Variants in TTLL5 observed in about 807,000 individuals in gnomAD.
TTLL5 encodes the protein tubulin polyglutamylase TTLL5.
TTLL5 carries 132 observed loss-of-function variants against 168.4 expected under a neutral mutation model. The observed-to-expected ratio is 0.78, with a 90% CI of 0.68 to 0.91. The LOEUF is 0.91. Among genes scored for constraint, TTLL5 ranks in the 40% least tolerant of loss-of-function variants. TTLL5 has a pLI of 0.00. For synonymous variants in TTLL5, 546 were observed against 558.6 expected, an observed-to-expected ratio of 0.98 and a Z score of 0.32; for missense variants, 1,545 against 1,581.5, an observed-to-expected ratio of 0.98 and a Z score of 0.39.
In TTLL5 at chr14:75,826,296, T is replaced by TATAC. The variant is rs548406512; in HGVS notation, c.3326+6136_3326+6137insTACA. On this transcript the variant is annotated intron_variant, in intron 28 of 31. Coordinates refer to ENST00000298832, the MANE Select transcript of TTLL5 (RefSeq NM_015072.5). ...ACCTTCTATTTCCTTAGGATACGCG[T>TATAC]ACACACACACACACACACACACACA... Among the ~76,000 whole-genome samples the TATAC allele has an allele frequency of 2.2e-5, 3 of 139,446 alleles. No individual in the cohort carries two copies. The East Asian group carries it at 6.4e-4, about 30-fold the overall frequency. 91.5% of individuals were successfully genotyped at this position (139,446 alleles called of 152,430 possible).
intron 31 of TTLL5, among the ~76,000 whole-genome samples, chr14:75,920,601 G>C (rs1479769817): frequency 1.3e-5 from 2 of 152,196 alleles, no homozygotes; most frequent in Non-Finnish European, 2.9e-5. Flanking sequence ...TGGCTGCATA[G>C]TATTCCACGG....
chr14:75,880,942 C>T (rs907141329), intron 29 of TTLL5, among the ~76,000 whole-genome samples: 6 of 152,140 alleles, frequency 3.9e-5, no homozygotes, highest in Non-Finnish European at 5.9e-5. Flanking sequence ...GAGACAGGGT[C>T]TAGCTCTGTC....
At chr14:75,764,863 A>T in intron 19 of TTLL5, 91 bp downstream of exon 19, 1 of 1,442,062 alleles carries the variant, frequency 6.9e-7, no homozygotes, top group Non-Finnish European at 9.5e-7. Flanking sequence ...CATGAGTCAG[A>T]ATCTTCCTGA....
At chr14:75,852,652 C>G (rs1896922818) in intron 28 of TTLL5, among the ~76,000 whole-genome samples, 1 of 152,194 alleles carries the variant, frequency 6.6e-6, no homozygotes, top group East Asian at 1.9e-4. Flanking sequence ...AAGGTGTAAA[C>G]TCAAAGGTTA....
At position 75,914,680 on chromosome 14, in the gene TTLL5, A is replaced by G. The variant is rs530996211; in HGVS notation, c.3823+12456A>G. ...GCTCTGTCGCCCAGGCTGGAATGCAATGGCCCAATCTCGGCTCACTGCAAG... is the reference window on the plus strand; with the variant it reads ...GCTCTGTCGCCCAGGCTGGAATGCAGTGGCCCAATCTCGGCTCACTGCAAG... On this transcript the variant is annotated intron_variant, in intron 31 of 31. Coordinates refer to ENST00000298832, the MANE Select transcript of TTLL5 (RefSeq NM_015072.5). Among the ~76,000 whole-genome samples, 22 of 143,602 alleles carry G rather than the reference A, an allele frequency of 1.5e-4. 1 individual carries two copies. In the South Asian group the frequency reaches 3.1e-3, roughly 20 times the overall value. The allele number at this position is 143,602 out of a possible 152,430, so 94.2% of individuals were successfully genotyped here.
chr14:75,668,105 C>T (rs1883431681), intron 2 of TTLL5, among the ~76,000 whole-genome samples: 1 of 151,888 alleles, frequency 6.6e-6, no homozygotes, highest in Non-Finnish European at 1.5e-5. Flanking sequence ...CTGACTTGGC[C>T]CTGAGATTTG....
chr14:75,737,689 T>C (rs1372620345), intron 15 of TTLL5: 1 of 1,402,510 alleles, frequency 7.1e-7, no homozygotes, highest in Admixed American at 2.3e-5. Flanking sequence ...TAGTTTTTCA[T>C]GGTACATATT....
intron 31 of TTLL5, chr14:75,904,078 C>G: frequency 8.2e-7 from 1 of 1,223,416 alleles, no homozygotes; most frequent in Non-Finnish European, 1.0e-6. Context: ...CCTGCTCATG[C>G]CCCAGTTCCC....
chr14:75,827,163 T>G (rs1895214414), intron 28 of TTLL5, among the ~76,000 whole-genome samples: 1 of 152,232 alleles, frequency 6.6e-6, no homozygotes, highest in Non-Finnish European at 1.5e-5. Context: ...TCTTAGTAGC[T>G]AAGTCTTAGT....
intron 29 of TTLL5, among the ~76,000 whole-genome samples, chr14:75,873,568 C>T (rs534160883): frequency 6.6e-6 from 1 of 152,290 alleles, no homozygotes; most frequent in Non-Finnish European, 1.5e-5. Context: ...CACGTTGTAG[C>T]GTATGACAGG....
At position 75,896,798 on chromosome 14, in the gene TTLL5, C is replaced by T. The variant is rs540491566; in HGVS notation, c.3741-5344C>T. ...CCACAAATAAAGAAATGAAGATCCA[C>T]GAAAAACATGTCAGAAACCTTACCA... On this transcript the variant is annotated intron_variant, in intron 30 of 31. Coordinates refer to ENST00000298832, the MANE Select transcript of TTLL5 (RefSeq NM_015072.5). 2.2e-3 allele frequency among the ~76,000 whole-genome samples: 331 copies of T among 152,184 alleles called. 1 individual carries two copies. Among genetic ancestry groups the T allele is most frequent in the African/African-American group, 7.7e-3 (320 of 41,526 alleles).
At chr14:75,700,359 C>T (rs150501928) in intron 7 of TTLL5, among the ~76,000 whole-genome samples, 1,779 of 152,222 alleles carry the variant, frequency 0.012, 18 homozygotes, top group Middle Eastern at 0.02. Flanking sequence ...AGGAGTTGGG[C>T]GAGTAGGCTC....
chr14:75,815,645 C>G (rs1340648149), intron 27 of TTLL5, among the ~76,000 whole-genome samples: 2 of 152,174 alleles, frequency 1.3e-5, no homozygotes, highest in Non-Finnish European at 2.9e-5. Context: ...ATAGTTTTGT[C>G]AATCTCTGTA....
chr14:75,861,377 A>AC (rs1169808319), intron 28 of TTLL5, among the ~76,000 whole-genome samples: 1 of 152,206 alleles, frequency 6.6e-6, no homozygotes, highest in Non-Finnish European at 1.5e-5. Context: ...GGCACAGGCA[A>AC]CAGAGGAGCA....
At chr14:75,749,809 T>C (rs1292345650) in intron 17 of TTLL5, among the ~76,000 whole-genome samples, 1 of 152,246 alleles carries the variant, frequency 6.6e-6, no homozygotes, top group East Asian at 1.9e-4. Context: ...TACACATATA[T>C]TATCAACAAA....
intron 30 of TTLL5, among the ~76,000 whole-genome samples, chr14:75,898,423 T>C (rs1018553253): frequency 1.3e-5 from 2 of 152,090 alleles, no homozygotes; most frequent in Non-Finnish European, 2.9e-5. Flanking sequence ...AGGCAGACCG[T>C]GTGAACCCAG....
At chr14:75,837,855 A>T (rs1409839373) in intron 28 of TTLL5, among the ~76,000 whole-genome samples, 2 of 152,022 alleles carry the variant, frequency 1.3e-5, no homozygotes, top group African/African-American at 4.8e-5. Flanking sequence ...GTGTGTGTGT[A>T]TGGGAGTGTG....
At position 75,954,448 on chromosome 14, in the gene TTLL5, C is replaced by T. The variant is rs1415604929; in HGVS notation, c.*2C>T. The T allele has an allele frequency of 4.3e-6, 7 of 1,613,920 alleles. No individual in the cohort carries two copies. The highest frequency in any genetic ancestry group is 5.9e-6 in the Non-Finnish European group (7 of 1,179,952). On this transcript the variant is annotated 3_prime_UTR_variant, in exon 32 of 32. Coordinates refer to ENST00000298832, the MANE Select transcript of TTLL5 (RefSeq NM_015072.5). ...GATCCTGCTCACACTAAAATATGAA[C>T]CACAAACACACAGAGAAACAACCTG...
rs1268564530 is a variant in TTLL5, at chr14:75,895,351, A to G, written c.3741-6791A>G. Among the ~76,000 whole-genome samples, 5 of 152,210 alleles carry G rather than the reference A, an allele frequency of 3.3e-5. No homozygotes were observed. The South Asian group carries it at 6.2e-4, about 19-fold the overall frequency. On this transcript the variant is annotated intron_variant, in intron 30 of 31. Coordinates refer to ENST00000298832, the MANE Select transcript of TTLL5 (RefSeq NM_015072.5). ...CACAGCCTGAAAAGCAGTTACAGCT[A>G]TGCATGGACTCCTGCACTCAATGGT... is the stretch of plus-strand genomic sequence containing the variant.
Sources: allele counts gnomAD v4.1 joint callset (sites outside exome capture counted in the v4.1 genomes callset), GRCh38; gene constraint gnomAD v4.1.1; transcripts MANE v1.5; gene names NCBI Gene and HGNC (gene_info 2026-07-23, HGNC 2026-07-21).